The following KPNA6 variants were observed in gnomAD, a reference collection of about 807,000 sequenced individuals.
The protein encoded by KPNA6 is karyopherin subunit alpha 6, also known as importin subunit alpha-7.
KPNA6 carries 9 observed loss-of-function variants against 72.0 expected under a neutral mutation model. That is an observed-to-expected ratio of 0.13 (90% CI 0.08 to 0.22). KPNA6 has a LOEUF of 0.22. Ranked by LOEUF, KPNA6 falls within the 10% of genes least tolerant of loss-of-function variation. The pLI is 1.00. For synonymous variants in KPNA6, 219 were observed against 242.1 expected (o/e 0.90, Z 0.89); for missense variants, 374 against 655.7 (o/e 0.57, Z 4.69).
chr1:32,166,056 TAAA>T, intron 10 of KPNA6, 46 bp from the exon 11 acceptor site: 2 of 1,551,044 alleles, frequency 1.3e-6, no homozygotes, highest in Non-Finnish European at 1.7e-6. Context: ...TAAAAAAAAT[TAAA>T]AACAGTTTAA....
chr1:32,158,402 T>A, intron 5 of KPNA6, 41 bp downstream of exon 5: 3 of 1,261,952 alleles, frequency 2.4e-6, no homozygotes, highest in Non-Finnish European at 2.3e-6. Flanking sequence ...TCTTTTAATT[T>A]TTGGGGGATA....
intron 1 of KPNA6, among the ~76,000 whole-genome samples, chr1:32,147,652 T>C (rs1372270601): frequency 2.2e-4 from 22 of 99,658 alleles, no homozygotes; most frequent in Non-Finnish European, 5.6e-5. Context: ...TTTCTTTTCT[T>C]TTTTTTTTTT....
intron 9 of KPNA6, 63 bp from the exon 10 acceptor site, chr1:32,163,168 AAGAG>A: frequency 9.9e-7 from 1 of 1,011,810 alleles, no homozygotes; most frequent in East Asian, 2.4e-5. Flanking sequence ...GCTCAGACTA[AAGAG>A]AGAGAATCAG....
chr1:32,171,024 TCTTGACCTGCTCCGCCC>T lies in KPNA6; in HGVS notation c.*132_*148del. 1.3e-6 allele frequency: 1 copy of T among 772,842 alleles called. No homozygotes were observed. Among genetic ancestry groups the T allele is most frequent in the Non-Finnish European group, 2.1e-6 (1 of 476,230 alleles). The allele number at this position is 772,842 out of a possible 1,614,324, so 47.9% of individuals were successfully genotyped here. ...ACCTCTGCTGCCCTGGAGACTGTGC[TCTTGACCTGCTCCGCCC>T]CCTTCCCTGGAGGGAGCACCCTCTG... On this transcript the variant is annotated 3_prime_UTR_variant, in exon 14 of 14. Coordinates refer to ENST00000373625, the MANE Select transcript of KPNA6 (RefSeq NM_012316.5).
At chr1:32,112,309 C>G (rs1209039852) in intron 1 of KPNA6, among the ~76,000 whole-genome samples, 1 of 152,164 alleles carries the variant, frequency 6.6e-6, no homozygotes, top group Non-Finnish European at 1.5e-5. Flanking sequence ...AGGTACTCTT[C>G]TAAGTAGAGG....
intron 1 of KPNA6, among the ~76,000 whole-genome samples, chr1:32,150,547 T>G (rs1026618145): frequency 2.6e-5 from 4 of 152,176 alleles, no homozygotes; most frequent in Non-Finnish European, 4.4e-5. Context: ...TCTACTGAAG[T>G]GTCATTTCTG....
chr1:32,163,562 T>A (rs1030604530), intron 10 of KPNA6, among the ~76,000 whole-genome samples: 1 of 152,200 alleles, frequency 6.6e-6, no homozygotes, highest in African/African-American at 2.4e-5. Context: ...GAAGGAAAAC[T>A]AAGTGGAATA....
intron 1 of KPNA6, among the ~76,000 whole-genome samples, chr1:32,132,053 C>T (rs1182012658): frequency 6.6e-6 from 1 of 151,840 alleles, no homozygotes; most frequent in African/African-American, 2.4e-5. Context: ...TCACTGCAAC[C>T]TCCGCTTTCC....
At chr1:32,108,185 G>T in intron 1 of KPNA6, 51 bp downstream of exon 1, 1 of 1,612,782 alleles carries the variant, frequency 6.2e-7, no homozygotes. Context: ...GAGTGTCGGG[G>T]CCTGGGATTT....
At chr1:32,127,545 A>G (rs1341997153) in intron 1 of KPNA6, among the ~76,000 whole-genome samples, 1 of 152,228 alleles carries the variant, frequency 6.6e-6, no homozygotes, top group Non-Finnish European at 1.5e-5. Flanking sequence ...GCTAAAAGGA[A>G]GAGCTAATCA....
rs117644307 is a variant in KPNA6, at chr1:32,130,722, C to A, written c.4+22588C>A. Among the ~76,000 whole-genome samples, 174 of 151,464 alleles carry A rather than the reference C, an allele frequency of 1.1e-3. 4 individuals carry two copies. In the East Asian group the frequency reaches 0.026, roughly 23 times the overall value. ...AATCACTTGAACCCCAAGATGGCAC[C>A]ACTGCACTCCAGCCTGGGCGACAGA... On this transcript the variant is annotated intron_variant, in intron 1 of 13. Coordinates refer to ENST00000373625, the MANE Select transcript of KPNA6 (RefSeq NM_012316.5).
chr1:32,143,585 A>G (rs935308696), intron 1 of KPNA6, among the ~76,000 whole-genome samples: 13 of 145,698 alleles, frequency 8.9e-5, no homozygotes, highest in Non-Finnish European at 1.5e-4. Context: ...AAAAAAAAAA[A>G]AGAAAAGAAA....
At position 32,158,307 on chromosome 1, in the gene KPNA6, A is replaced by G. The variant is rs550678644; in HGVS notation, c.372A>G (p.Arg124=). ...PPIDEVINTP[R]VVDRFVEFLK... is the part of the protein sequence containing the mutation. ...TAGATGAAGTTATCAACACTCCAAG[A>G]GTGGTGGATCGGTTCGTGGAGTTTC... The change falls in exon 5 of 14, where the codon AGA becomes AGG. Residue 124 remains arginine, a synonymous_variant. Coordinates refer to ENST00000373625, the MANE Select transcript of KPNA6 (RefSeq NM_012316.5). The G allele has an allele frequency of 6.2e-7, 1 of 1,613,608 alleles. No homozygotes were observed. The highest frequency in any genetic ancestry group is 1.1e-5 in the South Asian group (1 of 91,066).
At chr1:32,133,871 C>G (rs887065212) in intron 1 of KPNA6, among the ~76,000 whole-genome samples, 1 of 151,884 alleles carries the variant, frequency 6.6e-6, no homozygotes, top group Admixed American at 6.6e-5. Flanking sequence ...GAAACCCCGT[C>G]TCTACTAAAA....
At chr1:32,136,901 G>A (rs577504917) in intron 1 of KPNA6, among the ~76,000 whole-genome samples, 1 of 152,200 alleles carries the variant, frequency 6.6e-6, no homozygotes, top group Non-Finnish European at 1.5e-5. Context: ...AGACCCTAAA[G>A]CCTTAGGTAT....
chr1:32,155,345 G>A (rs1466209694), intron 2 of KPNA6, among the ~76,000 whole-genome samples: 18 of 119,532 alleles, frequency 1.5e-4, no homozygotes, highest in Non-Finnish European at 2.7e-4. Flanking sequence ...TTTTTGAGAC[G>A]GAGTCTGATT....
Position 32,128,893 on chromosome 1 carries a change from T to C in KPNA6, c.4+20759T>C, listed in dbSNP as rs182756991. 4.1e-4 allele frequency among the ~76,000 whole-genome samples: 62 copies of C among 152,342 alleles called. 1 individual carries two copies. The highest frequency in any genetic ancestry group is 3.9e-3 in the Admixed American group (60 of 15,288). Reference sequence around the variant, plus strand: ...ACTGTTTACAAAGTACTTGGGTATATATTCTCATTCAGTCTTCACTGTGAC... The same window carrying C: ...ACTGTTTACAAAGTACTTGGGTATACATTCTCATTCAGTCTTCACTGTGAC... On this transcript the variant is annotated intron_variant, in intron 1 of 13. Coordinates refer to ENST00000373625, the MANE Select transcript of KPNA6 (RefSeq NM_012316.5).
intron 1 of KPNA6, among the ~76,000 whole-genome samples, chr1:32,119,013 TATA>T (rs1641379054): frequency 1.7e-4 from 13 of 75,754 alleles, no homozygotes; most frequent in Admixed American, 3.1e-4. Context: ...TATATATATA[TATA>T]TATATATATA....
In KPNA6 at chr1:32,159,447, G is replaced by A. The variant is rs1642198483; in HGVS notation, c.474G>A (p.Gln158=). Residue 158 remains glutamine (Q), a synonymous_variant, in exon 6 of 14, where the codon CAG becomes CAA. Coordinates refer to ENST00000373625, the MANE Select transcript of KPNA6 (RefSeq NM_012316.5). ...ALTNIASGTS[Q]QTKIVIEAGA... ...CGAATATTGCCTCTGGAACCTCTCAGCAGACCAAAATTGTCATTGAAGCAG... is the reference window on the plus strand; with the variant it reads ...CGAATATTGCCTCTGGAACCTCTCAACAGACCAAAATTGTCATTGAAGCAG... The A allele has an allele frequency of 6.2e-7, 1 of 1,614,138 alleles. No homozygotes were observed. Among genetic ancestry groups the A allele is most frequent in the Non-Finnish European group, 8.5e-7 (1 of 1,179,990 alleles).
Sources: allele counts gnomAD v4.1 joint callset (sites outside exome capture counted in the v4.1 genomes callset), GRCh38; gene constraint gnomAD v4.1.1; transcripts MANE v1.5; gene names NCBI Gene and HGNC (gene_info 2026-07-23, HGNC 2026-07-21).